The following EFNA5 variants were observed in gnomAD, a reference collection of about 807,000 sequenced individuals.
EFNA5 encodes the protein ephrin A5.
EFNA5 carries 5 observed loss-of-function variants against 22.9 expected under a neutral mutation model. That is an observed-to-expected ratio of 0.22 (90% CI 0.11 to 0.46). The LOEUF (loss-of-function observed/expected upper bound fraction) is 0.46. Among genes scored for constraint, EFNA5 ranks in the 20% least tolerant of loss-of-function variants. The pLI is 0.99. For synonymous variants in EFNA5, 113 were observed against 112.2 expected (o/e 1.01, Z -0.04); for missense variants, 237 against 293.3 (o/e 0.81, Z 1.40).
chr5:107,403,371 G>C (rs757887647), intron 2 of EFNA5, among the ~76,000 whole-genome samples: 5 of 152,086 alleles, frequency 3.3e-5, no homozygotes, highest in Admixed American at 6.5e-5. Flanking sequence ...CCTGCTCTGT[G>C]AGCAATAAAA....
At chr5:107,495,363 C>T (rs1253824573) in intron 1 of EFNA5, among the ~76,000 whole-genome samples, 3 of 151,968 alleles carry the variant, frequency 2.0e-5, no homozygotes, top group African/African-American at 7.3e-5. Flanking sequence ...AGCGAGACCA[C>T]GAATCCAACA....
At chr5:107,641,785 C>T (rs1419367367) in intron 1 of EFNA5, among the ~76,000 whole-genome samples, 1 of 152,176 alleles carries the variant, frequency 6.6e-6, no homozygotes, top group Non-Finnish European at 1.5e-5. Flanking sequence ...CTCACTACCA[C>T]AAAAATTAGC....
At chr5:107,465,284 C>A (rs781130641) in intron 1 of EFNA5, among the ~76,000 whole-genome samples, 3 of 152,142 alleles carry the variant, frequency 2.0e-5, no homozygotes, top group Non-Finnish European at 4.4e-5. Flanking sequence ...ACATTTTAAG[C>A]CTCTAAAGAT....
chr5:107,642,462 TA>T (rs752015344), intron 1 of EFNA5, among the ~76,000 whole-genome samples: 2,223 of 70,708 alleles, frequency 0.031, 32 homozygotes, highest in East Asian at 0.094. Context: ...TTTTGTCAAC[TA>T]AAAAAAAAAA....
chr5:107,602,227 T>C (rs17160241), intron 1 of EFNA5, among the ~76,000 whole-genome samples: 9,756 of 152,262 alleles, frequency 0.064, 1,058 homozygotes, highest in African/African-American at 0.22. Flanking sequence ...AATCCACAGG[T>C]ACCTCACTTA....
intron 1 of EFNA5, among the ~76,000 whole-genome samples, chr5:107,663,423 C>G (rs562575984): frequency 6.6e-6 from 1 of 152,200 alleles, no homozygotes; most frequent in South Asian, 2.1e-4. Context: ...TCAATGTGTA[C>G]TAACAACATG....
chr5:107,425,226 T>A (rs1561380469), intron 2 of EFNA5, among the ~76,000 whole-genome samples: 1 of 152,228 alleles, frequency 6.6e-6, no homozygotes, highest in Non-Finnish European at 1.5e-5. Flanking sequence ...TAATAACATC[T>A]TGCTTATGAA....
chr5:107,475,255 T>C (rs1221572757), intron 1 of EFNA5, among the ~76,000 whole-genome samples: 1 of 152,260 alleles, frequency 6.6e-6, no homozygotes, highest in African/African-American at 2.4e-5. Flanking sequence ...ACAAGAGCTT[T>C]TCAAACAGGT....
chr5:107,410,022 CTTTTTTTTTTTTTTTT>C (rs70996956), intron 2 of EFNA5, among the ~76,000 whole-genome samples: 2 of 88,002 alleles, frequency 2.3e-5, no homozygotes, highest in Admixed American at 1.3e-4. Flanking sequence ...TGACATGATT[CTTTTTTTTTTTTTTTT>C]TTTTTTTTGA....
At position 107,430,770 on chromosome 5, in the gene EFNA5, CTTTCTTTT is replaced by C. The variant is rs765605538; in HGVS notation, c.126-3269_126-3262del. 1.2e-3 allele frequency among the ~76,000 whole-genome samples: 125 copies of C among 104,756 alleles called. 1 individual carries two copies. The highest frequency in any genetic ancestry group is 1.4e-3 in the Non-Finnish European group (68 of 49,110). The allele number at this position is 104,756 out of a possible 152,430, so 68.7% of individuals were successfully genotyped here. On this transcript the variant is annotated intron_variant, in intron 1 of 4. Coordinates refer to ENST00000333274, the MANE Select transcript of EFNA5 (RefSeq NM_001962.3). ...TTGCCCCAGCAATTATTATTTCTTTCTTTCTTTTTTTTTTTTTTTTTTTTTGAGATGGA... is the reference window on the plus strand; with the variant it reads ...TTGCCCCAGCAATTATTATTTCTTTCTTTTTTTTTTTTTTTTTGAGATGGA...
intron 2 of EFNA5, among the ~76,000 whole-genome samples, chr5:107,394,961 GGT>G (rs1202786240): frequency 6.8e-6 from 1 of 147,492 alleles, no homozygotes; most frequent in East Asian, 2.0e-4. Flanking sequence ...TATCTATTTA[GGT>G]ATGAGCCAAA....
intron 1 of EFNA5, among the ~76,000 whole-genome samples, chr5:107,596,189 C>G (rs757181231): frequency 3.0e-4 from 45 of 152,086 alleles, no homozygotes; most frequent in Non-Finnish European, 5.1e-4. Context: ...GTGTACAGTA[C>G]AGTAGTGTTA....
chr5:107,654,028 A>C lies in EFNA5; in HGVS notation c.125+16461T>G, dbSNP rs147560666. ...AAGTTGTGATTACCAAACCCCATGAATTAAGAGTATGCTATGATAAACACT... is the reference window on the plus strand; with the variant it reads ...AAGTTGTGATTACCAAACCCCATGACTTAAGAGTATGCTATGATAAACACT... On this transcript the variant is annotated intron_variant, in intron 1 of 4. Coordinates refer to ENST00000333274, the MANE Select transcript of EFNA5 (RefSeq NM_001962.3). Among the ~76,000 whole-genome samples the C allele has an allele frequency of 9.1e-4, 139 of 152,258 alleles. 1 individual carries two copies. In the East Asian group the frequency reaches 0.017, roughly 18 times the overall value.
At chr5:107,472,304 A>G (rs1011018406) in intron 1 of EFNA5, among the ~76,000 whole-genome samples, 3 of 152,206 alleles carry the variant, frequency 2.0e-5, no homozygotes, top group African/African-American at 7.2e-5. Context: ...GCGTCATCAA[A>G]TATTTTTATC....
At chr5:107,503,316 C>A (rs559274193) in intron 1 of EFNA5, among the ~76,000 whole-genome samples, 2 of 152,180 alleles carry the variant, frequency 1.3e-5, no homozygotes, top group Admixed American at 6.5e-5. Context: ...GTTGCAATGC[C>A]TTCACGTAAA....
chr5:107,643,386 T>C (rs1249261368), intron 1 of EFNA5, among the ~76,000 whole-genome samples: 1 of 152,168 alleles, frequency 6.6e-6, no homozygotes, highest in Non-Finnish European at 1.5e-5. Flanking sequence ...AAGCACCCTC[T>C]ATTGACTGCA....
At chr5:107,577,466 T>G (rs932559612) in intron 1 of EFNA5, among the ~76,000 whole-genome samples, 1 of 152,080 alleles carries the variant, frequency 6.6e-6, no homozygotes, top group Non-Finnish European at 1.5e-5. Flanking sequence ...CAATAAGGGT[T>G]AAGATGCAAA....
At chr5:107,507,420 T>C (rs1294032450) in intron 1 of EFNA5, among the ~76,000 whole-genome samples, 1 of 152,190 alleles carries the variant, frequency 6.6e-6, no homozygotes, top group Non-Finnish European at 1.5e-5. Context: ...ATAACATCCA[T>C]GTAAACTTTA....
At chr5:107,628,170 G>T (rs547530891) in intron 1 of EFNA5, among the ~76,000 whole-genome samples, 2 of 152,206 alleles carry the variant, frequency 1.3e-5, no homozygotes, top group African/African-American at 4.8e-5. Flanking sequence ...AGAAGGTAAA[G>T]AACTTGATTA....
Sources: allele counts gnomAD v4.1 joint callset (sites outside exome capture counted in the v4.1 genomes callset), GRCh38; gene constraint gnomAD v4.1.1; transcripts MANE v1.5; gene names NCBI Gene and HGNC (gene_info 2026-07-23, HGNC 2026-07-21).